Variants in SLC24A2 observed in about 807,000 individuals in gnomAD.
SLC24A2 encodes the protein sodium/potassium/calcium exchanger 2.
Under a neutral mutation model 62.0 loss-of-function variants are expected in SLC24A2, and 36 were observed. The ratio of observed to expected loss-of-function variants is 0.58; its 90% CI spans 0.44 to 0.77. The LOEUF is 0.77. SLC24A2 is among the 30% of genes least tolerant of loss of function. The probability of loss-of-function intolerance (pLI) is 0.00; values close to 1 mark genes in which losing one functional copy is unlikely to be tolerated. For synonymous variants in SLC24A2, 358 were observed against 294.0 expected (o/e 1.22, Z -2.23); for missense variants, 846 against 817.9 (o/e 1.03, Z -0.42).
At chr9:19,998,134 T>G in the SLC24A2 span, among the ~76,000 whole-genome samples, 1 of 152,222 alleles carries the variant, frequency 6.6e-6, no homozygotes, top group African/African-American at 2.4e-5. Flanking sequence ...TCAATTGGTC[T>G]TCACAATGAA....
chr9:20,231,550 T>C, the SLC24A2 span, among the ~76,000 whole-genome samples: 2 of 152,216 alleles, frequency 1.3e-5, no homozygotes, highest in Non-Finnish European at 2.9e-5. Context: ...GTTACTGGTA[T>C]ATAAGAATGC....
the SLC24A2 span, among the ~76,000 whole-genome samples, chr9:20,300,854 A>C: frequency 2.0e-5 from 3 of 152,212 alleles, no homozygotes; most frequent in Non-Finnish European, 4.4e-5. Flanking sequence ...GATAATATAA[A>C]GTGCTGGAAT....
At chr9:20,214,482 G>A in the SLC24A2 span, among the ~76,000 whole-genome samples, 1 of 152,036 alleles carries the variant, frequency 6.6e-6, no homozygotes, top group African/African-American at 2.4e-5. Flanking sequence ...GGGCATTGTG[G>A]TGGGCCCCTG....
the SLC24A2 span, among the ~76,000 whole-genome samples, chr9:20,214,224 T>C: frequency 6.6e-6 from 1 of 152,322 alleles, no homozygotes; most frequent in African/African-American, 2.4e-5. Context: ...GGGGAGCTAC[T>C]ACTCAGTAGG....
chr9:19,576,779 A>T, intron 6 of SLC24A2, 145 bp downstream of exon 6: 1 of 720,846 alleles, frequency 1.4e-6, no homozygotes, highest in Non-Finnish European at 2.5e-6. Flanking sequence ...GGCAAGAGGG[A>T]CTCATTTCCT....
the SLC24A2 span, among the ~76,000 whole-genome samples, chr9:20,068,415 T>C: frequency 6.6e-6 from 1 of 152,134 alleles, no homozygotes; most frequent in Non-Finnish European, 1.5e-5. Context: ...CCAATTATTG[T>C]ACCTCTTTGA....
At chr9:20,055,515 T>C in the SLC24A2 span, among the ~76,000 whole-genome samples, 3 of 152,104 alleles carry the variant, frequency 2.0e-5, no homozygotes, top group African/African-American at 7.2e-5. Context: ...AACTTTTAGA[T>C]GAGAAAACTG....
chr9:20,150,673 AC>A, the SLC24A2 span, among the ~76,000 whole-genome samples: 2 of 147,616 alleles, frequency 1.4e-5, no homozygotes, highest in Non-Finnish European at 2.9e-5. Context: ...TGTCAAAATA[AC>A]AAAAAATCCC....
At chr9:19,738,819 C>G (rs566222716) in intron 2 of SLC24A2, among the ~76,000 whole-genome samples, 143 of 151,974 alleles carry the variant, frequency 9.4e-4, no homozygotes, top group Non-Finnish European at 1.8e-3. Flanking sequence ...TTTAAAATAA[C>G]ATAAAAATCA....
At chr9:19,576,543 A>C (rs1836017458) in intron 6 of SLC24A2, among the ~76,000 whole-genome samples, 1 of 152,214 alleles carries the variant, frequency 6.6e-6, no homozygotes, top group African/African-American at 2.4e-5. Context: ...GGGGACTCTC[A>C]CCTTTGATTA....
At chr9:19,636,375 C>CTT (rs879562977) in intron 2 of SLC24A2, among the ~76,000 whole-genome samples, 8 of 29,372 alleles carry the variant, frequency 2.7e-4, no homozygotes, top group African/African-American at 1.2e-3. Flanking sequence ...TTCTTTCTTT[C>CTT]TTTCTTTCTT....
At chr9:20,204,891 G>A in the SLC24A2 span, among the ~76,000 whole-genome samples, 7 of 151,710 alleles carry the variant, frequency 4.6e-5, no homozygotes, top group South Asian at 2.1e-4. Context: ...CTACAGGCGC[G>A]CACCACCACA....
At chr9:19,678,466 G>C (rs755307490) in intron 2 of SLC24A2, among the ~76,000 whole-genome samples, 3 of 152,106 alleles carry the variant, frequency 2.0e-5, no homozygotes, top group East Asian at 1.9e-4. Flanking sequence ...TAAAGCACTA[G>C]CCTTTTGATT....
chr9:19,958,261 A>C, the SLC24A2 span: 1 of 152,216 alleles, frequency 6.6e-6, no homozygotes, highest in African/African-American at 2.4e-5. Flanking sequence ...CTGAAAAACT[A>C]GGATCCAGGT....
intron 8 of SLC24A2, among the ~76,000 whole-genome samples, chr9:19,548,764 C>G (rs1330810955): frequency 6.6e-6 from 1 of 152,250 alleles, no homozygotes; most frequent in Non-Finnish European, 1.5e-5. Flanking sequence ...TCAGCCCCTG[C>G]AGCATGGCCA....
At chr9:19,577,863 TA>T (rs941875842) in intron 5 of SLC24A2, among the ~76,000 whole-genome samples, 1 of 148,492 alleles carries the variant, frequency 6.7e-6, no homozygotes, top group African/African-American at 2.5e-5. Flanking sequence ...AATATATATA[TA>T]AAAATATTCC....
At position 19,550,155 on chromosome 9, in the gene SLC24A2, T is replaced by A; in HGVS notation, c.1461A>T (p.Leu487Phe). 6.2e-7 allele frequency: 1 copy of A among 1,614,040 alleles called. No individual in the cohort carries two copies. The highest frequency in any genetic ancestry group is 8.5e-7 in the Non-Finnish European group (1 of 1,179,974). The change falls in exon 8 of 11, where the codon TTA becomes TTT. Residue 487 changes from leucine (L) to phenylalanine (F), a missense_variant. Coordinates refer to ENST00000341998, the MANE Select transcript of SLC24A2 (RefSeq NM_020344.4). ...TACTTACAGGTTTGCGAACGTCAGGTAACGTAATCCAGAGAGGAAACACTA... is the reference window on the plus strand; with the variant it reads ...TACTTACAGGTTTGCGAACGTCAGGAAACGTAATCCAGAGAGGAAACACTA... ...FPIVFPLWIT[L>F]PDVRKPSSRK...
the SLC24A2 span, among the ~76,000 whole-genome samples, chr9:19,837,248 C>T: frequency 1.3e-5 from 2 of 151,100 alleles, no homozygotes; most frequent in East Asian, 2.0e-4. Flanking sequence ...GTCAGGAGAT[C>T]GAGACCATCC....
At chr9:19,808,977 A>G in the SLC24A2 span, among the ~76,000 whole-genome samples, 4 of 152,206 alleles carry the variant, frequency 2.6e-5, no homozygotes, top group African/African-American at 9.6e-5. This position sits in a 1 kb window ranked among gnomAD's most constrained non-coding sequence, Gnocchi z 4.1. Context: ...CATAATAAAG[A>G]CTTACTGAGG....
Sources: gnomAD v4.1 joint callset for allele counts (sites outside exome capture counted in the v4.1 genomes callset) on GRCh38, gnomAD v4.1.1 for gene constraint, Gnocchi (gnomAD v3.1) non-coding constraint, MANE v1.5 for transcripts, NCBI Gene and HGNC (gene_info 2026-07-23, HGNC 2026-07-21) for gene names.